Variants in COP1 observed in about 807,000 individuals in gnomAD.
COP1 encodes the protein COP1 E3 ubiquitin ligase.
In COP1, 24 loss-of-function variants were observed where a neutral mutation model predicts 101.3. The ratio of observed to expected loss-of-function variants is 0.24; its 90% CI spans 0.17 to 0.33. The LOEUF (loss-of-function observed/expected upper bound fraction) is 0.33, where lower values mean the gene tolerates loss of function less well. COP1 is among the 10% of genes least tolerant of loss of function. The probability of loss-of-function intolerance (pLI) is 1.00; values close to 1 mark genes in which losing one functional copy is unlikely to be tolerated. For synonymous variants in COP1, 347 were observed against 341.9 expected, an observed-to-expected ratio of 1.01 and a Z score of -0.17; for missense variants, 663 against 906.2, an observed-to-expected ratio of 0.73 and a Z score of 3.45.
intron 11 of COP1, among the ~76,000 whole-genome samples, chr1:176,057,865 G>A (rs949106470): frequency 7.2e-5 from 11 of 151,780 alleles, no homozygotes; most frequent in African/African-American, 2.7e-4. Context: ...CCTCTTCCCC[G>A]CCGCCATCCC....
chr1:176,010,287 A>G (rs1010757738), intron 15 of COP1, among the ~76,000 whole-genome samples: 4 of 152,198 alleles, frequency 2.6e-5, no homozygotes, highest in Admixed American at 1.3e-4. Context: ...TATGTACACA[A>G]TATCATTATA....
At chr1:176,179,107 T>C (rs1022705146) in intron 2 of COP1, among the ~76,000 whole-genome samples, 6 of 151,876 alleles carry the variant, frequency 4.0e-5, no homozygotes, top group Non-Finnish European at 7.4e-5. Flanking sequence ...CTGGGCAACA[T>C]GGTGAAACCC....
chr1:175,992,901 G>C (rs1367125580), intron 15 of COP1, among the ~76,000 whole-genome samples: 1 of 152,176 alleles, frequency 6.6e-6, no homozygotes, highest in Non-Finnish European at 1.5e-5. Flanking sequence ...GGTTCTCCCA[G>C]CATGCAGCTG....
chr1:176,173,460 A>G (rs984660381), intron 3 of COP1, among the ~76,000 whole-genome samples: 1 of 151,586 alleles, frequency 6.6e-6, no homozygotes, highest in Non-Finnish European at 1.5e-5. Flanking sequence ...ACATAGTGAG[A>G]CCTTGTCTCT....
At chr1:176,187,822 C>G (rs1212664927) in intron 1 of COP1, among the ~76,000 whole-genome samples, 1 of 152,074 alleles carries the variant, frequency 6.6e-6, no homozygotes, top group African/African-American at 2.4e-5. Flanking sequence ...GGAAAATATA[C>G]ATTAGTAATA....
At chr1:175,952,772 G>T (rs1650111255) in intron 18 of COP1, among the ~76,000 whole-genome samples, 1 of 151,570 alleles carries the variant, frequency 6.6e-6, no homozygotes, top group South Asian at 2.1e-4. Context: ...CATTAACCAG[G>T]CATGGTGATG....
At chr1:176,107,737 G>A (rs1033789240) in intron 9 of COP1, among the ~76,000 whole-genome samples, 2 of 152,032 alleles carry the variant, frequency 1.3e-5, no homozygotes, top group East Asian at 3.8e-4. Context: ...CATTTTAATC[G>A]AGTGATCAAA....
chr1:175,951,277 AAATAT>A (rs1450370436), intron 18 of COP1, among the ~76,000 whole-genome samples: 4 of 150,150 alleles, frequency 2.7e-5, no homozygotes, highest in African/African-American at 7.3e-5. Context: ...TAAATATATA[AAATAT>A]AATAAAATAA....
chr1:176,001,037 T>A (rs973605087), intron 15 of COP1, among the ~76,000 whole-genome samples: 1 of 152,094 alleles, frequency 6.6e-6, no homozygotes, highest in African/African-American at 2.4e-5. Flanking sequence ...CATCAACAAT[T>A]TTAGAATTAC....
chr1:175,953,764 TAAA>T (rs58137281), intron 18 of COP1, among the ~76,000 whole-genome samples: 11 of 125,144 alleles, frequency 8.8e-5, no homozygotes, highest in African/African-American at 3.1e-4. Flanking sequence ...GGTCAACTTA[TAAA>T]AAAAAAAAAA....
At chr1:176,055,971 G>A (rs1286013059) in intron 11 of COP1, among the ~76,000 whole-genome samples, 3 of 151,862 alleles carry the variant, frequency 2.0e-5, no homozygotes, top group Admixed American at 1.3e-4. Context: ...AATTCCTTTA[G>A]AGTAAGGAGT....
chr1:175,965,417 C>A (rs1651882543), intron 18 of COP1, among the ~76,000 whole-genome samples: 1 of 152,168 alleles, frequency 6.6e-6, no homozygotes. Context: ...ATCACTCGTG[C>A]TGACATTTTG....
intron 9 of COP1, among the ~76,000 whole-genome samples, chr1:176,088,020 C>A (rs1680536419): frequency 6.6e-6 from 1 of 152,066 alleles, no homozygotes. Context: ...AACCAAACAC[C>A]ATATGTTCTC....
At chr1:176,108,172 A>G (rs1684655405) in intron 9 of COP1, among the ~76,000 whole-genome samples, 1 of 152,186 alleles carries the variant, frequency 6.6e-6, no homozygotes, top group Non-Finnish European at 1.5e-5. Flanking sequence ...GTTATATAAA[A>G]ATTCTAAAGC....
At chr1:176,102,455 C>T (rs573488858) in intron 9 of COP1, among the ~76,000 whole-genome samples, 3 of 152,284 alleles carry the variant, frequency 2.0e-5, no homozygotes, top group African/African-American at 4.8e-5. Flanking sequence ...AGTTCTGAAA[C>T]TGCCACTGCA....
intron 6 of COP1, among the ~76,000 whole-genome samples, chr1:176,137,084 G>C (rs1689928265): frequency 6.6e-6 from 1 of 152,152 alleles, no homozygotes; most frequent in East Asian, 1.9e-4. Context: ...TAGTCTGACA[G>C]AGGTTAAATC....
intron 3 of COP1, among the ~76,000 whole-genome samples, chr1:176,173,463 T>C (rs1016107777): frequency 6.6e-6 from 1 of 150,852 alleles, no homozygotes; most frequent in African/African-American, 2.4e-5. Context: ...TAGTGAGACC[T>C]TGTCTCTACA....
chr1:175,987,815 T>C (rs1657480954), intron 17 of COP1, among the ~76,000 whole-genome samples: 3 of 152,192 alleles, frequency 2.0e-5, no homozygotes, highest in South Asian at 2.1e-4. Flanking sequence ...TTCTATTTCT[T>C]ATTTAAATTT....
chr1:176,032,799 G>C (rs905585592), intron 14 of COP1, among the ~76,000 whole-genome samples: 1 of 151,852 alleles, frequency 6.6e-6, no homozygotes, highest in African/African-American at 2.4e-5. Flanking sequence ...TAGGTGAAGG[G>C]GAACTACACA....
Sources: allele counts gnomAD v4.1 joint callset (sites outside exome capture counted in the v4.1 genomes callset), GRCh38; gene constraint gnomAD v4.1.1; transcripts MANE v1.5; gene names NCBI Gene and HGNC (gene_info 2026-07-23, HGNC 2026-07-21).